Variants in NUP107 observed in about 807,000 individuals in gnomAD.
The protein encoded by NUP107 is nucleoporin 107.
In NUP107, 101 loss-of-function variants were observed where a neutral mutation model predicts 141.0. That is an observed-to-expected ratio of 0.72 (90% confidence interval 0.61 to 0.84). The LOEUF (loss-of-function observed/expected upper bound fraction) is 0.84. Ranked by LOEUF, NUP107 falls within the 40% of genes least tolerant of loss-of-function variation. The pLI, the probability that NUP107 is intolerant of heterozygous loss-of-function variation, is 0.00. For synonymous variants in NUP107, 319 were observed against 363.9 expected (o/e 0.88, Z 1.41); for missense variants, 941 against 1,102.7 (o/e 0.85, Z 2.08).
rs542824685 is a variant in NUP107, at chr12:68,707,536, A to T, written c.730-1702A>T. 3.3e-5 allele frequency among the ~76,000 whole-genome samples: 5 copies of T among 152,266 alleles called. No homozygotes were observed. The South Asian group carries it at 6.2e-4, about 19-fold the overall frequency. On this transcript the variant is annotated intron_variant, in intron 8 of 27. Transcript: ENST00000229179. ...ATCGCTTGTGCCCAGGAGGTCAAGA[A>T]TGTAGTGAGCTGTAATTGTGCTACT...
intron 20 of NUP107, 69 bp downstream of exon 20, chr12:68,727,458 C>T (rs1328327776): frequency 2.4e-6 from 2 of 838,818 alleles, no homozygotes; most frequent in Non-Finnish European, 3.8e-6. Flanking sequence ...CAGAATGATG[C>T]TATTTTAATT....
chr12:68,740,515 A>G (rs1878280334), intron 26 of NUP107, among the ~76,000 whole-genome samples: 1 of 152,190 alleles, frequency 6.6e-6, no homozygotes, highest in African/African-American at 2.4e-5. Context: ...AATTAGTACA[A>G]TTACTCCTTG....
intron 12 of NUP107, among the ~76,000 whole-genome samples, chr12:68,717,253 T>A (rs1016191623): frequency 1.3e-5 from 2 of 152,172 alleles, no homozygotes; most frequent in Non-Finnish European, 2.9e-5. Context: ...GCTCAAAAAA[T>A]AGAAATTCTC....
At position 68,734,795 on chromosome 12, in the gene NUP107, G is replaced by C; in HGVS notation, c.2350G>C (p.Glu784Gln). 1 of 1,613,540 alleles carries C rather than the reference G, an allele frequency of 6.2e-7. No individual in the cohort carries two copies. Among genetic ancestry groups the C allele is most frequent in the Non-Finnish European group, 8.5e-7 (1 of 1,179,770 alleles). ...TTTGATACCTCAACCAACTTTTACT[G>C]AGAAAGTGGCTCATGAACACAAAGA... is the stretch of plus-strand genomic sequence containing the variant. ...PALIPQPTFT[E>Q]KVAHEHKEKK... The change falls in exon 25 of 28, where the codon GAG (glutamate) becomes CAG (glutamine). Residue 784 changes from glutamate (E) to glutamine (Q), a missense_variant. By Grantham distance (29) the Glu-to-Gln change is conservative. Coordinates refer to ENST00000229179, the MANE Select transcript of NUP107 (RefSeq NM_020401.4).
intron 5 of NUP107, among the ~76,000 whole-genome samples, chr12:68,692,738 A>G (rs1436003673): frequency 2.7e-5 from 4 of 148,124 alleles, no homozygotes; most frequent in Non-Finnish European, 4.5e-5. Context: ...ATGTACCACC[A>G]TGCCTAGCTA....
At chr12:68,737,914 G>T (rs1878145509) in intron 26 of NUP107, among the ~76,000 whole-genome samples, 1 of 152,134 alleles carries the variant, frequency 6.6e-6, no homozygotes, top group Admixed American at 6.5e-5. Context: ...GGCCGAGGAG[G>T]GCAGATCACG....
chr12:68,717,166 A>G (rs977069923), intron 12 of NUP107, among the ~76,000 whole-genome samples: 6 of 152,262 alleles, frequency 3.9e-5, no homozygotes, highest in Admixed American at 1.3e-4. Flanking sequence ...CCAAAGTGCT[A>G]GGATTACAGG....
intron 5 of NUP107, among the ~76,000 whole-genome samples, chr12:68,696,062 T>G (rs1448368160): frequency 1.3e-5 from 2 of 151,916 alleles, no homozygotes. Flanking sequence ...ATGTGTATCT[T>G]GCCAATTAAA....
intron 7 of NUP107, among the ~76,000 whole-genome samples, chr12:68,701,717 C>T (rs1367898179): frequency 6.6e-6 from 1 of 151,892 alleles, no homozygotes; most frequent in Non-Finnish European, 1.5e-5. Flanking sequence ...AATAAATAAC[C>T]ATTTGTGTAT....
chr12:68,702,402 A>G lies in NUP107; in HGVS notation c.681-334A>G, dbSNP rs1194387618. Among the ~76,000 whole-genome samples the G allele has an allele frequency of 2.0e-5, 3 of 151,562 alleles. No homozygotes were observed. The East Asian group carries it at 5.8e-4, about 29-fold the overall frequency. On this transcript the variant is annotated intron_variant, in intron 7 of 27. Coordinates refer to ENST00000229179, the MANE Select transcript of NUP107 (RefSeq NM_020401.4). ...AGCCTCCCAAAATGCTGAGATTACA[A>G]GCGTGACCCACCGTGCCCTGCCTAA... is the stretch of plus-strand genomic sequence containing the variant.
chr12:68,710,523 C>T lies in NUP107; in HGVS notation c.890+430C>T, dbSNP rs565945623. ...TACAAAAATTAGCCGGGTTTGGTGA[C>T]GCACACCTGTAATCCCAGCTACTTG... On this transcript the variant is annotated intron_variant, in intron 10 of 27. Transcript: ENST00000229179. Among the ~76,000 whole-genome samples the T allele has an allele frequency of 3.7e-4, 56 of 151,822 alleles. 1 individual carries two copies. In the South Asian group the frequency reaches 3.7e-3, roughly 10 times the overall value.
chr12:68,690,074 G>A (rs990747456), intron 3 of NUP107, among the ~76,000 whole-genome samples: 3 of 151,976 alleles, frequency 2.0e-5, no homozygotes, highest in Admixed American at 6.6e-5. Flanking sequence ...CAGCTACTCC[G>A]GAGGGTGAGG....
chr12:68,733,597 C>G lies in NUP107; in HGVS notation c.2247C>G (p.Cys749Trp). 1 of 1,610,786 alleles carries G rather than the reference C, an allele frequency of 6.2e-7. No homozygotes were observed. The highest frequency in any genetic ancestry group is 1.3e-5 in the African/African-American group (1 of 74,904). ...ATAATGCTATCCGAGAACATTTGTG[C>G]ATCAGAGCTTATTTGGTGAGACTGT... is the stretch of plus-strand genomic sequence containing the variant. ...EDDNAIREHL[C>W]IRAYLEAHET... Residue 749 changes from cysteine to tryptophan, a missense_variant, in exon 24 of 28, where the codon TGC becomes TGG. Cys to Trp is a radical substitution (Grantham distance 215). Transcript: ENST00000229179.
chr12:68,724,226 G>A (rs1269262414), intron 17 of NUP107, among the ~76,000 whole-genome samples: 1 of 151,642 alleles, frequency 6.6e-6, no homozygotes, highest in Non-Finnish European at 1.5e-5. Context: ...ATTTAAACGA[G>A]TGACCAAAAC....
intron 15 of NUP107, among the ~76,000 whole-genome samples, chr12:68,721,593 A>C (rs944145193): frequency 2.6e-5 from 4 of 152,194 alleles, no homozygotes; most frequent in South Asian, 4.1e-4. Flanking sequence ...TATACTAATC[A>C]GTTGAAATGT....
intron 26 of NUP107, among the ~76,000 whole-genome samples, chr12:68,736,989 C>T (rs1878102044): frequency 6.6e-6 from 1 of 152,056 alleles, no homozygotes; most frequent in Non-Finnish European, 1.5e-5. Context: ...AGGCGTGAGC[C>T]ACTGCGCCCA....
At chr12:68,736,019 A>C (rs937907586) in intron 26 of NUP107, among the ~76,000 whole-genome samples, 1 of 152,198 alleles carries the variant, frequency 6.6e-6, no homozygotes, top group Non-Finnish European at 1.5e-5. Context: ...GGATGAGCTG[A>C]GATGGGAGAA....
chr12:68,692,181 C>T, intron 5 of NUP107, 69 bp downstream of exon 5: 5 of 1,374,606 alleles, frequency 3.6e-6, no homozygotes, highest in Non-Finnish European at 4.9e-6. Context: ...CCATTTCTTC[C>T]TGTTTCTGAA....
chr12:68,707,146 GGAA>G lies in NUP107; in HGVS notation c.730-2091_730-2089del, dbSNP rs1373088857. On this transcript the variant is annotated intron_variant, in intron 8 of 27. Transcript: ENST00000229179. ...GAGGCTGCTGTCCAGAGGAGCACAGGGAACAGGAGACCCACCTGAGGCTCAGCC... is the reference window on the plus strand; with the variant it reads ...GAGGCTGCTGTCCAGAGGAGCACAGGCAGGAGACCCACCTGAGGCTCAGCC... The G allele has an allele frequency of 5.5e-6, 3 of 541,580 alleles. No individual in the cohort carries two copies. In the African/African-American group the frequency reaches 5.8e-5, roughly 10 times the overall value. 33.5% of individuals were successfully genotyped at this position (541,580 alleles called of 1,614,324 possible).
Sources: allele counts gnomAD v4.1 joint callset (sites outside exome capture counted in the v4.1 genomes callset), GRCh38; gene constraint gnomAD v4.1.1; transcripts MANE v1.5; gene names NCBI Gene and HGNC (gene_info 2026-07-23, HGNC 2026-07-21).